Variants in SPAG16 observed in about 807,000 individuals in gnomAD.
The protein encoded by SPAG16 is sperm associated antigen 16.
Under a neutral mutation model 80.4 loss-of-function variants are expected in SPAG16, and 86 were observed. That is an observed-to-expected ratio of 1.07 (90% CI 0.90 to 1.28). The LOEUF (loss-of-function observed/expected upper bound fraction) is 1.28, where lower values mean the gene tolerates loss of function less well. SPAG16 is among the 50% of genes most tolerant of loss of function. The pLI, the probability that SPAG16 is intolerant of heterozygous loss-of-function variation, is 0.00. For synonymous variants in SPAG16, 294 were observed against 265.9 expected (o/e 1.11, Z -1.03); for missense variants, 870 against 765.3 (o/e 1.14, Z -1.61).
chr2:213,423,088 A>T (rs552708173), intron 9 of SPAG16, among the ~76,000 whole-genome samples: 2 of 152,338 alleles, frequency 1.3e-5, no homozygotes, highest in South Asian at 4.1e-4. Context: ...GCTACTGTTG[A>T]TATAAACTTT....
At chr2:213,503,305 A>G (rs555409500) in intron 10 of SPAG16, among the ~76,000 whole-genome samples, 1 of 152,264 alleles carries the variant, frequency 6.6e-6, no homozygotes, top group African/African-American at 2.4e-5. Flanking sequence ...CTCTTTGCCT[A>G]CCTTCTTTAT....
intron 15 of SPAG16, among the ~76,000 whole-genome samples, chr2:214,272,824 G>C (rs533417207): frequency 2.0e-5 from 3 of 151,326 alleles, no homozygotes; most frequent in Non-Finnish European, 3.0e-5. Flanking sequence ...GGATGGCTGG[G>C]TCAAATGGTA....
chr2:214,108,408 A>G (rs921734237), intron 14 of SPAG16, 147 bp downstream of exon 14: 4 of 565,968 alleles, frequency 7.1e-6, no homozygotes, highest in African/African-American at 5.7e-5. Context: ...GGAAAAGTCT[A>G]TAGGTATATA....
At chr2:214,299,243 CTTTTTT>C (rs33961996) in intron 15 of SPAG16, among the ~76,000 whole-genome samples, 1 of 57,686 alleles carries the variant, frequency 1.7e-5, no homozygotes. Flanking sequence ...GTGTAGTATA[CTTTTTT>C]TTTTTTTTTT....
intron 15 of SPAG16, among the ~76,000 whole-genome samples, chr2:214,206,498 A>G (rs1204443018): frequency 6.6e-6 from 1 of 152,176 alleles, no homozygotes; most frequent in Non-Finnish European, 1.5e-5. Flanking sequence ...TTGTGTATAC[A>G]TGCCACATTA....
chr2:214,042,666 A>G (rs2049100509), intron 13 of SPAG16, among the ~76,000 whole-genome samples: 2 of 152,254 alleles, frequency 1.3e-5, no homozygotes, highest in South Asian at 2.1e-4. Context: ...TAAGTGAATG[A>G]TGTCTTCACA....
intron 15 of SPAG16, among the ~76,000 whole-genome samples, chr2:214,357,767 A>G (rs1467765163): frequency 6.6e-6 from 1 of 151,750 alleles, no homozygotes; most frequent in Non-Finnish European, 1.5e-5. Flanking sequence ...AATTGTATTT[A>G]TTGTGACCTC....
intron 11 of SPAG16, among the ~76,000 whole-genome samples, chr2:213,907,008 A>G (rs2106149745): frequency 6.6e-6 from 1 of 152,322 alleles, no homozygotes; most frequent in Non-Finnish European, 1.5e-5. Flanking sequence ...AAGTAGACAG[A>G]TGGGTCTATA....
chr2:213,447,022 T>C (rs2071360622), intron 9 of SPAG16, among the ~76,000 whole-genome samples: 1 of 152,164 alleles, frequency 6.6e-6, no homozygotes, highest in Non-Finnish European at 1.5e-5. Flanking sequence ...AGGAAAATCA[T>C]GTCCTAAAAA....
intron 5 of SPAG16, among the ~76,000 whole-genome samples, chr2:213,323,821 T>C (rs56334842): frequency 4.6e-5 from 7 of 152,304 alleles, no homozygotes; most frequent in Admixed American, 2.6e-4. Flanking sequence ...TTCTGTAATA[T>C]GTGAGGACAT....
At chr2:213,441,840 C>G (rs1377370992) in intron 9 of SPAG16, among the ~76,000 whole-genome samples, 1 of 152,056 alleles carries the variant, frequency 6.6e-6, no homozygotes, top group East Asian at 1.9e-4. Context: ...CAGCAGTGAA[C>G]AAGTGGAATT....
At chr2:214,347,034 T>C (rs1576840660) in intron 15 of SPAG16, among the ~76,000 whole-genome samples, 1 of 152,184 alleles carries the variant, frequency 6.6e-6, no homozygotes, top group African/African-American at 2.4e-5. Flanking sequence ...ATAAGTGTTA[T>C]AATAAAACCA....
chr2:213,947,482 T>A (rs865915405), intron 12 of SPAG16, among the ~76,000 whole-genome samples: 6 of 152,278 alleles, frequency 3.9e-5, no homozygotes, highest in African/African-American at 1.4e-4. Flanking sequence ...GCCACCTATA[T>A]GTCTTTTTTG....
intron 10 of SPAG16, among the ~76,000 whole-genome samples, chr2:213,841,193 C>T (rs2074348368): frequency 6.6e-6 from 1 of 152,086 alleles, no homozygotes. Flanking sequence ...TTGTATGTCA[C>T]AACCCACCCC....
At chr2:213,988,098 G>A (rs2046106980) in intron 12 of SPAG16, among the ~76,000 whole-genome samples, 1 of 151,870 alleles carries the variant, frequency 6.6e-6, no homozygotes, top group Non-Finnish European at 1.5e-5. Context: ...TAATTAGTGA[G>A]ATAACTGCCT....
At chr2:213,585,903 G>C (rs755640774) in intron 10 of SPAG16, among the ~76,000 whole-genome samples, 1 of 152,052 alleles carries the variant, frequency 6.6e-6, no homozygotes, top group Non-Finnish European at 1.5e-5. Flanking sequence ...GATTAAAAGG[G>C]ACTGCTTTTG....
chr2:213,932,969 C>CACACACAG (rs1387961606), intron 12 of SPAG16, among the ~76,000 whole-genome samples: 1 of 151,700 alleles, frequency 6.6e-6, no homozygotes, highest in Non-Finnish European at 1.5e-5. Context: ...CACACACACA[C>CACACACAG]ACACACACAC....
chr2:213,799,553 T>C (rs2071251438), intron 10 of SPAG16, among the ~76,000 whole-genome samples: 1 of 152,148 alleles, frequency 6.6e-6, no homozygotes, highest in Admixed American at 6.5e-5. Flanking sequence ...AATTCTGACA[T>C]TCTGATGTAA....
chr2:213,319,141 TATTA>T (rs1326866803), intron 5 of SPAG16, among the ~76,000 whole-genome samples: 3 of 151,990 alleles, frequency 2.0e-5, no homozygotes, highest in Admixed American at 6.6e-5. Flanking sequence ...GTGTTTTATT[TATTA>T]ATTCATTTTT....
Sources: allele counts gnomAD v4.1 joint callset (sites outside exome capture counted in the v4.1 genomes callset), GRCh38; gene constraint gnomAD v4.1.1; transcripts MANE v1.5; gene names NCBI Gene and HGNC (gene_info 2026-07-23, HGNC 2026-07-21).